NOL10: variants seen among roughly 807,000 people sequenced by gnomAD.
NOL10 encodes the protein nucleolar protein 10, also known as H_NH0074G24.1.
Under a neutral mutation model 103.5 loss-of-function variants are expected in NOL10, and 58 were observed. The observed-to-expected ratio is 0.56, with a 90% CI of 0.45 to 0.70. The LOEUF (loss-of-function observed/expected upper bound fraction) is 0.70, where lower values mean the gene tolerates loss of function less well. Ranked by LOEUF, NOL10 falls within the 30% of genes least tolerant of loss-of-function variation. NOL10 has a pLI of 0.00. For synonymous variants in NOL10, 287 were observed against 282.5 expected, an observed-to-expected ratio of 1.02 and a Z score of -0.16; for missense variants, 763 against 807.3, an observed-to-expected ratio of 0.95 and a Z score of 0.67.
intron 13 of NOL10, among the ~76,000 whole-genome samples, chr2:10,624,398 T>C (rs931893129): frequency 5.9e-5 from 9 of 151,804 alleles, no homozygotes; most frequent in African/African-American, 1.9e-4. Flanking sequence ...ACAGAGGGAT[T>C]TGGGAGGAAT....
intron 9 of NOL10, among the ~76,000 whole-genome samples, chr2:10,661,502 C>T (rs1055894928): frequency 4.6e-5 from 7 of 151,946 alleles, no homozygotes; most frequent in African/African-American, 1.7e-4. Flanking sequence ...CTCCTGGGTA[C>T]TTGGGATTAC....
chr2:10,603,379 G>A (rs1043283286), intron 14 of NOL10, among the ~76,000 whole-genome samples: 3 of 152,142 alleles, frequency 2.0e-5, no homozygotes, highest in African/African-American at 2.4e-5. Flanking sequence ...CAAAAATGAT[G>A]AGAAAGTCCT....
At chr2:10,644,214 C>T (rs1235678708) in intron 13 of NOL10, 106 bp downstream of exon 13, 2 of 785,276 alleles carry the variant, frequency 2.5e-6, no homozygotes, top group Non-Finnish European at 3.9e-6. Context: ...CACCACTGCA[C>T]CCCAGCATCG....
chr2:10,579,548 G>T (rs1674641600), intron 19 of NOL10, among the ~76,000 whole-genome samples: 1 of 150,078 alleles, frequency 6.7e-6, no homozygotes, highest in Admixed American at 6.6e-5. Flanking sequence ...ATGAAATGAA[G>T]ATTTCGGTTA....
In NOL10 at chr2:10,573,270, T is replaced by G. The variant is rs181658606; in HGVS notation, c.1948-1080A>C. ...GTGCAATGGTACAATCTCGACTCACTGCAACCTCTGCCTCCCGGATTCAAG... is the reference window on the plus strand; with the variant it reads ...GTGCAATGGTACAATCTCGACTCACGGCAACCTCTGCCTCCCGGATTCAAG... On this transcript the variant is annotated intron_variant, in intron 20 of 20. Transcript: ENST00000381685. Among the ~76,000 whole-genome samples, 601 of 152,240 alleles carry G rather than the reference T, an allele frequency of 3.9e-3. 6 individuals are homozygous for G. Among genetic ancestry groups the G allele is most frequent in the South Asian group, 0.018 (85 of 4,814 alleles).
intron 13 of NOL10, among the ~76,000 whole-genome samples, chr2:10,625,714 C>T (rs1317842730): frequency 1.3e-5 from 2 of 152,114 alleles, no homozygotes; most frequent in Non-Finnish European, 2.9e-5. Flanking sequence ...TTTACCTCCA[C>T]CCCACCCCCA....
At chr2:10,573,943 C>T (rs1674317281) in intron 20 of NOL10, among the ~76,000 whole-genome samples, 1 of 152,120 alleles carries the variant, frequency 6.6e-6, no homozygotes, top group South Asian at 2.1e-4. Context: ...GGCAACTCTC[C>T]ATGCAGCAAC....
At chr2:10,659,522 A>T (rs75149959) in intron 9 of NOL10, among the ~76,000 whole-genome samples, 14 of 83,936 alleles carry the variant, frequency 1.7e-4, no homozygotes, top group Admixed American at 1.1e-3. Context: ...ACAAAAAATT[A>T]AAAAAAAAAA....
chr2:10,650,315 C>T (rs1449020732), intron 12 of NOL10, among the ~76,000 whole-genome samples: 3 of 146,158 alleles, frequency 2.1e-5, no homozygotes, highest in South Asian at 2.2e-4. Context: ...CGCACAGTGC[C>T]ACTGCTTCCT....
intron 19 of NOL10, among the ~76,000 whole-genome samples, chr2:10,587,255 A>ATATATATATT: frequency 2.4e-5 from 1 of 41,088 alleles, no homozygotes; most frequent in South Asian, 4.2e-4. Context: ...ATATATATAT[A>ATATATATATT]TACACATATA....
intron 9 of NOL10, among the ~76,000 whole-genome samples, chr2:10,662,531 T>C (rs1223925456): frequency 6.6e-6 from 1 of 152,204 alleles, no homozygotes; most frequent in African/African-American, 2.4e-5. Flanking sequence ...TGTAAATGGA[T>C]GTATAATAGT....
intron 1 of NOL10, among the ~76,000 whole-genome samples, chr2:10,685,134 T>G (rs1174598939): frequency 2.6e-5 from 4 of 152,196 alleles, no homozygotes; most frequent in Non-Finnish European, 2.9e-5. Context: ...TCTATTTAAG[T>G]GAGAATTTAA....
chr2:10,597,490 A>C (rs1382352725), intron 17 of NOL10, among the ~76,000 whole-genome samples: 1 of 152,224 alleles, frequency 6.6e-6, no homozygotes, highest in East Asian at 1.9e-4. Flanking sequence ...AATTCTTTCA[A>C]GTAGTCTTTT....
At chr2:10,604,497 T>C (rs2148189099) in intron 14 of NOL10, among the ~76,000 whole-genome samples, 1 of 152,304 alleles carries the variant, frequency 6.6e-6, no homozygotes, top group South Asian at 2.1e-4. Flanking sequence ...AATAAAAATA[T>C]GGGGTTTGCA....
chr2:10,642,341 G>A (rs1280922845), intron 13 of NOL10, among the ~76,000 whole-genome samples: 1 of 152,160 alleles, frequency 6.6e-6, no homozygotes, highest in Non-Finnish European at 1.5e-5. Context: ...AGGGAGCCTG[G>A]CACAGGTAAT....
rs147235579 is a variant in NOL10, at chr2:10,658,375, G to A, written c.757-484C>T. Among the ~76,000 whole-genome samples, 8 of 152,270 alleles carry A rather than the reference G, an allele frequency of 5.3e-5. No individual in the cohort carries two copies. The East Asian group carries it at 1.5e-3, about 29-fold the overall frequency. The stretch of plus-strand genomic sequence containing the variant: ...CCTGGGAAAGCTCCCCTAGGATTAA[G>A]TCCCAGGTGACAGATGCCCTCTAGC... On this transcript the variant is annotated intron_variant, in intron 10 of 20. Transcript: ENST00000381685.
intron 20 of NOL10, among the ~76,000 whole-genome samples, chr2:10,577,086 T>TA (rs954393806): frequency 7.2e-5 from 11 of 151,754 alleles, no homozygotes; most frequent in African/African-American, 1.9e-4. Context: ...TACCACTGGC[T>TA]AAAAAAAATG....
At chr2:10,648,354 T>C (rs1473251833) in intron 12 of NOL10, among the ~76,000 whole-genome samples, 3 of 152,006 alleles carry the variant, frequency 2.0e-5, no homozygotes, top group Non-Finnish European at 4.4e-5. Context: ...GAGGAAAAGG[T>C]GTGGGAAAGC....
rs548608776 is a variant in NOL10, at chr2:10,664,773, C to T, written c.592-1729G>A. On this transcript the variant is annotated intron_variant, in intron 8 of 20. Coordinates refer to ENST00000381685, the MANE Select transcript of NOL10 (RefSeq NM_024894.4). The stretch of plus-strand genomic sequence containing the variant: ...CTGGTCTCGAACTCCTGGACTCAAG[C>T]GTTCCACCCACTCGCACTTCCAAAG... 9.2e-5 allele frequency among the ~76,000 whole-genome samples: 14 copies of T among 152,272 alleles called. No individual in the cohort carries two copies. The Middle Eastern group carries it at 0.01, about 111-fold the overall frequency.
Sources: gnomAD v4.1 joint callset for allele counts (sites outside exome capture counted in the v4.1 genomes callset) on GRCh38, gnomAD v4.1.1 for gene constraint, MANE v1.5 for transcripts, NCBI Gene and HGNC (gene_info 2026-07-23, HGNC 2026-07-21) for gene names.